PRKN: variants seen among roughly 807,000 people sequenced by gnomAD.
PRKN encodes the protein E3 ubiquitin-protein ligase parkin.
A neutral mutation model predicts 59.5 loss-of-function variants in PRKN; 56 were observed. The observed-to-expected ratio is 0.94, with a 90% CI of 0.76 to 1.18. PRKN has a LOEUF of 1.18. PRKN is among the 50% of genes most tolerant of loss of function. PRKN has a pLI of 0.00. For synonymous variants in PRKN, 250 were observed against 222.1 expected, an observed-to-expected ratio of 1.13 and a Z score of -1.12; for missense variants, 657 against 596.4, an observed-to-expected ratio of 1.10 and a Z score of -1.06.
intron 1 of PRKN, among the ~76,000 whole-genome samples, chr6:162,703,088 T>C (rs889886663): frequency 1.3e-5 from 2 of 152,228 alleles, no homozygotes; most frequent in Non-Finnish European, 2.9e-5. Flanking sequence ...TTACATTGTA[T>C]GAGTCCACTA....
intron 3 of PRKN, among the ~76,000 whole-genome samples, chr6:162,234,982 G>C (rs1411931734): frequency 6.6e-6 from 1 of 152,200 alleles, no homozygotes; most frequent in Admixed American, 6.5e-5. Context: ...ATAGTATTCA[G>C]AGATTCTCTT....
At chr6:161,774,381 AGCACACACACACACACACACAC>A (rs1448558753) in intron 7 of PRKN, among the ~76,000 whole-genome samples, 2 of 89,102 alleles carry the variant, frequency 2.2e-5, no homozygotes, top group African/African-American at 7.3e-5. Flanking sequence ...CTACTCCCTG[AGCACACACACACACACACACAC>A]ACACACACAC....
intron 10 of PRKN, among the ~76,000 whole-genome samples, chr6:161,375,175 AC>A: frequency 6.6e-6 from 1 of 151,562 alleles, no homozygotes; most frequent in Non-Finnish European, 1.5e-5. Context: ...GGTGGAGGGA[AC>A]CCCCCGGGGG....
At position 161,471,866 on chromosome 6, in the gene PRKN, C is replaced by A. The variant is rs1790806949; in HGVS notation, c.1083+76988G>T. ...CTAAGGTAACACTAATAGAAAAATA[C>A]AGCATAAACTGAAGGTGTGGATAGT... On this transcript the variant is annotated intron_variant, in intron 9 of 11. Coordinates refer to ENST00000366898, the MANE Select transcript of PRKN (RefSeq NM_004562.3). The surrounding 1 kb of genome is among the most constrained non-coding windows in gnomAD (Gnocchi z 4.5). 6.6e-6 allele frequency among the ~76,000 whole-genome samples: 1 copy of A among 152,008 alleles called. No individual in the cohort carries two copies. The highest frequency in any genetic ancestry group is 2.4e-5 in the African/African-American group (1 of 41,376).
At chr6:162,310,831 T>C (rs976496730) in intron 2 of PRKN, among the ~76,000 whole-genome samples, 1 of 151,838 alleles carries the variant, frequency 6.6e-6, no homozygotes, top group Non-Finnish European at 1.5e-5. Context: ...TTTTAAAAAC[T>C]AGTGAATTCA....
At chr6:162,346,581 AC>A (rs1433307372) in intron 2 of PRKN, among the ~76,000 whole-genome samples, 1 of 151,994 alleles carries the variant, frequency 6.6e-6, no homozygotes, top group Non-Finnish European at 1.5e-5. Flanking sequence ...CAATTGTGCC[AC>A]TGTACTCTAG....
chr6:162,538,150 G>C (rs1021866186), intron 1 of PRKN, among the ~76,000 whole-genome samples: 50 of 152,216 alleles, frequency 3.3e-4, no homozygotes, highest in African/African-American at 1.2e-3. Context: ...TGTAATCCCA[G>C]CACTTTGAGA....
intron 4 of PRKN, among the ~76,000 whole-genome samples, chr6:162,174,946 T>G (rs112024134): frequency 0.017 from 2,595 of 152,316 alleles, 69 homozygotes; most frequent in African/African-American, 0.051. Context: ...CTGGAGAAAT[T>G]CTGAGAGTTT....
intron 1 of PRKN, among the ~76,000 whole-genome samples, chr6:162,643,328 G>C (rs1269957960): frequency 7.0e-6 from 1 of 143,646 alleles, no homozygotes; most frequent in African/African-American, 2.6e-5. Context: ...AACCCAGGAG[G>C]TGGAGGTTGC....
chr6:162,532,058 A>G (rs1207830681), intron 1 of PRKN, among the ~76,000 whole-genome samples: 1 of 144,152 alleles, frequency 6.9e-6, no homozygotes, highest in African/African-American at 2.5e-5. Flanking sequence ...CTTAGCGTCA[A>G]CCACATCTTC....
intron 9 of PRKN, among the ~76,000 whole-genome samples, chr6:161,506,307 T>A (rs994181149): frequency 3.3e-5 from 5 of 152,212 alleles, no homozygotes; most frequent in African/African-American, 9.7e-5. Context: ...GGGAGTTCAC[T>A]CATGATTTGG....
intron 2 of PRKN, among the ~76,000 whole-genome samples, chr6:162,340,215 C>T (rs1784111962): frequency 6.6e-6 from 1 of 151,566 alleles, no homozygotes; most frequent in Admixed American, 6.6e-5. Flanking sequence ...ATCAGAAAAG[C>T]TCTCTAATTC....
At chr6:161,753,297 C>CAG (rs1788771722) in intron 7 of PRKN, among the ~76,000 whole-genome samples, 1 of 152,018 alleles carries the variant, frequency 6.6e-6, no homozygotes, top group African/African-American at 2.4e-5. Context: ...AGAAGGAACA[C>CAG]AGAGAGGGCA....
chr6:161,919,205 A>G (rs1778688342), intron 6 of PRKN, among the ~76,000 whole-genome samples: 1 of 152,206 alleles, frequency 6.6e-6, no homozygotes. Flanking sequence ...CACGTACAAT[A>G]ACTTTGAGAA....
chr6:162,555,998 A>AAAAAAAAAAAT, intron 1 of PRKN, among the ~76,000 whole-genome samples: 1 of 151,340 alleles, frequency 6.6e-6, no homozygotes, highest in East Asian at 1.9e-4. Flanking sequence ...AAAAAAAAAA[A>AAAAAAAAAAAT]AGTGAGAAAA....
At chr6:161,847,924 C>T (rs1289468201) in intron 6 of PRKN, among the ~76,000 whole-genome samples, 2 of 152,148 alleles carry the variant, frequency 1.3e-5, no homozygotes, top group East Asian at 3.9e-4. Context: ...TAGAAGAAGG[C>T]TGGTGCTCTG....
intron 4 of PRKN, among the ~76,000 whole-genome samples, chr6:162,183,136 G>A (rs1222355813): frequency 6.6e-6 from 1 of 152,160 alleles, no homozygotes; most frequent in Non-Finnish European, 1.5e-5. Flanking sequence ...CAGAAGCACG[G>A]TGCTACCTTC....
chr6:162,342,849 C>T (rs375510605), intron 2 of PRKN, among the ~76,000 whole-genome samples: 4 of 152,112 alleles, frequency 2.6e-5, no homozygotes, highest in African/African-American at 9.7e-5. Flanking sequence ...TACTTATCTA[C>T]TGATTACAGA....
chr6:162,497,554 A>G (rs1287382350), intron 1 of PRKN, among the ~76,000 whole-genome samples: 1 of 152,194 alleles, frequency 6.6e-6, no homozygotes, highest in Non-Finnish European at 1.5e-5. Flanking sequence ...CTGCATTTTC[A>G]TTAATTCAAA....
Sources: allele counts gnomAD v4.1 joint callset (sites outside exome capture counted in the v4.1 genomes callset), GRCh38; gene constraint gnomAD v4.1.1; non-coding constraint Gnocchi (gnomAD v3.1); transcripts MANE v1.5; gene names NCBI Gene and HGNC (gene_info 2026-07-23, HGNC 2026-07-21).